The following ROBO1 variants were observed in gnomAD, a reference collection of about 807,000 sequenced individuals.
ROBO1 encodes the protein roundabout homolog 1.
A neutral mutation model predicts 195.9 loss-of-function variants in ROBO1; 149 were observed. That is an observed-to-expected ratio of 0.76 (90% CI 0.67 to 0.87). The LOEUF is 0.87. Ranked by LOEUF, ROBO1 falls within the 40% of genes least tolerant of loss-of-function variation. ROBO1 has a pLI of 0.00. For synonymous variants in ROBO1, 816 were observed against 733.2 expected (o/e 1.11, Z -1.82); for missense variants, 1,933 against 2,068.3 (o/e 0.93, Z 1.27).
At chr3:78,791,514 GC>G (rs1170426629) in intron 4 of ROBO1, among the ~76,000 whole-genome samples, 1 of 152,138 alleles carries the variant, frequency 6.6e-6, no homozygotes, top group African/African-American at 2.4e-5. Context: ...TAAAGTTCAA[GC>G]TTTAAAAACC....
intron 3 of ROBO1, among the ~76,000 whole-genome samples, chr3:79,109,399 G>A (rs1263528288): frequency 1.3e-5 from 2 of 151,860 alleles, no homozygotes; most frequent in African/African-American, 4.8e-5. Context: ...TGACACAAAT[G>A]TAATAGACAC....
At chr3:78,851,357 G>T (rs2106867113) in intron 4 of ROBO1, among the ~76,000 whole-genome samples, 1 of 152,240 alleles carries the variant, frequency 6.6e-6, no homozygotes, top group East Asian at 1.9e-4. Context: ...CATTTTAAAA[G>T]CACATGCTTC....
intron 2 of ROBO1, among the ~76,000 whole-genome samples, chr3:79,572,792 G>A (rs760743558): frequency 1.3e-5 from 2 of 152,170 alleles, no homozygotes; most frequent in Non-Finnish European, 2.9e-5. Context: ...TATCTGAAAT[G>A]TAATTTTTGT....
At chr3:79,660,523 A>G (rs1345112446) in intron 1 of ROBO1, among the ~76,000 whole-genome samples, 1 of 152,066 alleles carries the variant, frequency 6.6e-6, no homozygotes, top group East Asian at 1.9e-4. Flanking sequence ...ATGATATCCA[A>G]AGAGGAAACA....
chr3:79,247,624 C>T (rs990664638), intron 2 of ROBO1, among the ~76,000 whole-genome samples: 5 of 151,940 alleles, frequency 3.3e-5, no homozygotes, highest in Admixed American at 6.6e-5. Flanking sequence ...AGAAGCTTTT[C>T]AGCTGCTGAT....
chr3:79,179,450 G>A (rs1265013348), intron 2 of ROBO1, among the ~76,000 whole-genome samples: 1 of 152,178 alleles, frequency 6.6e-6, no homozygotes, highest in African/African-American at 2.4e-5. Flanking sequence ...GATGAAGTTA[G>A]AATAACTTGC....
chr3:78,707,764 A>C (rs1575983425), intron 8 of ROBO1, among the ~76,000 whole-genome samples: 2 of 152,230 alleles, frequency 1.3e-5, no homozygotes, highest in East Asian at 3.9e-4. Context: ...AAGCCTGGAG[A>C]GGAGTATAGT....
chr3:79,763,869 T>C (rs1704842291), intron 1 of ROBO1, among the ~76,000 whole-genome samples: 1 of 152,174 alleles, frequency 6.6e-6, no homozygotes, highest in South Asian at 2.1e-4. Context: ...TTATGAGTAC[T>C]AAAATAAAAT....
chr3:78,976,121 C>T (rs556099015), intron 3 of ROBO1, among the ~76,000 whole-genome samples: 5 of 152,160 alleles, frequency 3.3e-5, no homozygotes, highest in Admixed American at 1.3e-4. Flanking sequence ...GCAAAACAGA[C>T]TCAGTGCAAT....
chr3:79,395,752 A>C (rs981184353), intron 2 of ROBO1, among the ~76,000 whole-genome samples: 3 of 152,108 alleles, frequency 2.0e-5, no homozygotes, highest in Admixed American at 2.0e-4. Flanking sequence ...TTATTTTTAA[A>C]AACTTTCATA....
intron 2 of ROBO1, among the ~76,000 whole-genome samples, chr3:79,324,345 C>T (rs2034115898): frequency 6.6e-6 from 1 of 152,072 alleles, no homozygotes; most frequent in Admixed American, 6.6e-5. Context: ...TTTCTGGTCT[C>T]ATAGAGATAT....
At position 79,588,421 on chromosome 3, in the gene ROBO1, C is replaced by T. The variant is rs532461299; in HGVS notation, c.88+1403G>A. 5.3e-5 allele frequency among the ~76,000 whole-genome samples: 8 copies of T among 151,730 alleles called. No homozygotes were observed. The East Asian group carries it at 1.4e-3, about 26-fold the overall frequency. ...TGAATTTTGATATCCTGCTCAATAA[C>T]TGTATCATGGACTAAATTTGTTGAC... is the stretch of plus-strand genomic sequence containing the variant. On this transcript the variant is annotated intron_variant, in intron 2 of 30. Transcript: ENST00000464233.
intron 4 of ROBO1, among the ~76,000 whole-genome samples, chr3:78,788,139 G>A (rs1235487048): frequency 5.4e-5 from 8 of 147,412 alleles, no homozygotes; most frequent in Admixed American, 3.4e-4. Flanking sequence ...CTTTTGAGAC[G>A]GAGTCTGGCT....
chr3:78,750,197 T>A (rs536304514), intron 4 of ROBO1, among the ~76,000 whole-genome samples: 1 of 152,266 alleles, frequency 6.6e-6, no homozygotes, highest in East Asian at 1.9e-4. Flanking sequence ...GGCTCACGCC[T>A]GTAATCCCAG....
chr3:79,186,488 A>T (rs1406200130), intron 2 of ROBO1, among the ~76,000 whole-genome samples: 1 of 152,010 alleles, frequency 6.6e-6, no homozygotes, highest in African/African-American at 2.4e-5. Context: ...TCACTATTGC[A>T]TAGTTGTGCC....
Position 79,550,195 on chromosome 3 carries a change from G to GGAAAAGAAAAGAAAAGAAAA in ROBO1, c.88+39609_88+39628dup, listed in dbSNP as rs58751236. Among the ~76,000 whole-genome samples, 49 of 100,830 alleles carry GGAAAAGAAAAGAAAAGAAAA rather than the reference G, an allele frequency of 4.9e-4. 3 individuals carry two copies. The highest frequency in any genetic ancestry group is 1.1e-3 in the African/African-American group (24 of 21,434). 66.1% of individuals were successfully genotyped at this position (100,830 alleles called of 152,430 possible). On this transcript the variant is annotated intron_variant, in intron 2 of 30. Transcript: ENST00000464233. ...AGAAAGAAAGAAAGAAAGAAAGAAA[G>GGAAAAGAAAAGAAAAGAAAA]GAAAAGAAAAGAAAAGAAAAGAAAA...
chr3:79,498,982 T>C (rs909558452), intron 2 of ROBO1, among the ~76,000 whole-genome samples: 3 of 152,178 alleles, frequency 2.0e-5, no homozygotes, highest in Admixed American at 2.0e-4. Flanking sequence ...CATTCTTTAA[T>C]TTTTTAAATT....
chr3:79,534,195 C>G (rs1321695901), intron 2 of ROBO1, among the ~76,000 whole-genome samples: 1 of 140,222 alleles, frequency 7.1e-6, no homozygotes, highest in Non-Finnish European at 1.6e-5. Flanking sequence ...TTCACCAGAG[C>G]ATCCAGAAAA....
At chr3:79,110,953 G>A (rs2079874987) in intron 3 of ROBO1, among the ~76,000 whole-genome samples, 1 of 152,076 alleles carries the variant, frequency 6.6e-6, no homozygotes, top group Non-Finnish European at 1.5e-5. Flanking sequence ...ATTTGAAAAT[G>A]AGACATTGGC....
Sources: gnomAD v4.1 joint callset for allele counts (sites outside exome capture counted in the v4.1 genomes callset) on GRCh38, gnomAD v4.1.1 for gene constraint, MANE v1.5 for transcripts, NCBI Gene and HGNC (gene_info 2026-07-23, HGNC 2026-07-21) for gene names.